DRC11: variants seen among roughly 807,000 people sequenced by gnomAD.
DRC11 encodes dynein regulatory complex subunit 11, also known as IQ and AAA domain-containing protein 1.
chr2:236,451,693 C>T, the DRC11 span, among the ~76,000 whole-genome samples: 1 of 152,150 alleles, frequency 6.6e-6, no homozygotes, highest in Non-Finnish European at 1.5e-5. Flanking sequence ...GGTGTGAAGG[C>T]TCCAATCAGA....
the DRC11 span, among the ~76,000 whole-genome samples, chr2:236,358,984 G>A: frequency 6.6e-6 from 1 of 151,294 alleles, no homozygotes; most frequent in African/African-American, 2.4e-5. Context: ...AGAAGATGAA[G>A]CAACTGAAGG....
At chr2:236,468,037 A>G in the DRC11 span, among the ~76,000 whole-genome samples, 1 of 152,232 alleles carries the variant, frequency 6.6e-6, no homozygotes, top group Non-Finnish European at 1.5e-5. Flanking sequence ...TTGTAAATAT[A>G]TGCATTAGAA....
chr2:236,422,312 C>T, the DRC11 span, among the ~76,000 whole-genome samples: 1,031 of 152,204 alleles, frequency 6.8e-3, 7 homozygotes, highest in African/African-American at 0.024. Context: ...AAAACCCCAT[C>T]GTCTCAGCCC....
At chr2:236,358,132 T>TATACAC in the DRC11 span, among the ~76,000 whole-genome samples, 2 of 116,334 alleles carry the variant, frequency 1.7e-5, no homozygotes, top group Non-Finnish European at 3.3e-5. Flanking sequence ...GAATATATAT[T>TATACAC]TATAATATAT....
the DRC11 span, among the ~76,000 whole-genome samples, chr2:236,485,507 C>T: frequency 1.3e-5 from 2 of 152,140 alleles, no homozygotes; most frequent in African/African-American, 2.4e-5. Flanking sequence ...GAATGAGGCC[C>T]CAAAGGGCTT....
At chr2:236,441,118 T>C in the DRC11 span, 1 of 1,555,664 alleles carries the variant, frequency 6.4e-7, no homozygotes, top group Non-Finnish European at 8.7e-7. Flanking sequence ...ATGTCCCGGT[T>C]AAATTTCTGC....
At chr2:236,367,701 G>GA in the DRC11 span, 1 of 173,068 alleles carries the variant, frequency 5.8e-6, no homozygotes, top group Admixed American at 5.4e-5. The surrounding 1 kb of genome is among the most constrained non-coding windows in gnomAD (Gnocchi z 4.8). Flanking sequence ...GTGTCTGTCT[G>GA]AAAAAAGTCA....
chr2:236,331,286 CG>C, the DRC11 span: 4 of 1,095,594 alleles, frequency 3.7e-6, no homozygotes, highest in South Asian at 3.8e-5. This position sits in a 1 kb window ranked among gnomAD's most constrained non-coding sequence, Gnocchi z 4.8. Flanking sequence ...ACGAAACCCA[CG>C]GAACTGCAGA....
At chr2:236,452,278 C>A in the DRC11 span, among the ~76,000 whole-genome samples, 1 of 152,186 alleles carries the variant, frequency 6.6e-6, no homozygotes, top group Admixed American at 6.5e-5. This position sits in a 1 kb window ranked among gnomAD's most constrained non-coding sequence, Gnocchi z 4.7. Context: ...ATTTAGAAAG[C>A]AGAGCTACTA....
the DRC11 span, among the ~76,000 whole-genome samples, chr2:236,404,143 C>T: frequency 3.9e-5 from 5 of 126,942 alleles, no homozygotes; most frequent in Admixed American, 2.8e-4. Flanking sequence ...ACTTTTTTGA[C>T]TTAACCCAAT....
At chr2:236,422,484 C>G in the DRC11 span, among the ~76,000 whole-genome samples, 1 of 152,096 alleles carries the variant, frequency 6.6e-6, no homozygotes, top group Non-Finnish European at 1.5e-5. Flanking sequence ...TCTAGGAATC[C>G]AACTTACAAG....
the DRC11 span, among the ~76,000 whole-genome samples, chr2:236,473,349 G>A: frequency 1.5e-4 from 23 of 152,304 alleles, no homozygotes; most frequent in African/African-American, 3.4e-4. The surrounding 1 kb of genome is among the most constrained non-coding windows in gnomAD (Gnocchi z 4.8). Context: ...TCATTTGGGC[G>A]CCCAAGCTCG....
the DRC11 span, among the ~76,000 whole-genome samples, chr2:236,462,054 G>A: frequency 3.3e-5 from 5 of 152,288 alleles, no homozygotes; most frequent in African/African-American, 1.2e-4. The surrounding 1 kb of genome is among the most constrained non-coding windows in gnomAD (Gnocchi z 6.4). Context: ...TCAAAGAGCG[G>A]GGTGAATGTT....
chr2:236,366,344 C>T, the DRC11 span, among the ~76,000 whole-genome samples: 6 of 152,148 alleles, frequency 3.9e-5, no homozygotes, highest in African/African-American at 1.4e-4. Context: ...TCTGGGCAGC[C>T]GCCACCATCA....
chr2:236,451,583 G>A, the DRC11 span, among the ~76,000 whole-genome samples: 1 of 152,086 alleles, frequency 6.6e-6, no homozygotes. Flanking sequence ...AAAATAAGAC[G>A]AGTAATTTTA....
At chr2:236,491,194 A>ATACACAG in the DRC11 span, among the ~76,000 whole-genome samples, 1 of 63,310 alleles carries the variant, frequency 1.6e-5, no homozygotes, top group East Asian at 2.9e-4. Flanking sequence ...CACAGTATAT[A>ATACACAG]TATATATATA....
the DRC11 span, among the ~76,000 whole-genome samples, chr2:236,405,824 T>C: frequency 3.3e-5 from 5 of 152,198 alleles, no homozygotes; most frequent in Non-Finnish European, 5.9e-5. The surrounding 1 kb of genome is among the most constrained non-coding windows in gnomAD (Gnocchi z 4.6). Context: ...ATGAACATGC[T>C]GGACAAAGGG....
At chr2:236,368,065 C>T in the DRC11 span, 16 of 704,422 alleles carry the variant, frequency 2.3e-5, no homozygotes, top group African/African-American at 2.1e-4. Context: ...ACTGTGCCCA[C>T]TCAGAATTCT....
At chr2:236,380,492 G>A in the DRC11 span, 2 of 1,121,730 alleles carry the variant, frequency 1.8e-6, no homozygotes, top group South Asian at 1.3e-5. The surrounding 1 kb of genome is among the most constrained non-coding windows in gnomAD (Gnocchi z 4.9). Context: ...CATCACAGAG[G>A]GGGCGTACTC....
Sources: allele counts gnomAD v4.1 joint callset (sites outside exome capture counted in the v4.1 genomes callset), GRCh38; gene constraint gnomAD v4.1.1; non-coding constraint Gnocchi (gnomAD v3.1); transcripts MANE v1.5; gene names NCBI Gene and HGNC (gene_info 2026-07-23, HGNC 2026-07-21).